The following COL11A1 variants were observed in gnomAD, a reference collection of about 807,000 sequenced individuals.
COL11A1 encodes the protein collagen type XI alpha 1 chain.
A neutral mutation model predicts 265.2 loss-of-function variants in COL11A1; 74 were observed. The observed-to-expected ratio is 0.28, with a 90% CI of 0.23 to 0.34. The LOEUF (loss-of-function observed/expected upper bound fraction) is 0.34, where lower values mean the gene tolerates loss of function less well. COL11A1 is among the 10% of genes least tolerant of loss of function. The pLI is 1.00. For missense variants in COL11A1, 2,165 were observed against 2,263.6 expected, an observed-to-expected ratio of 0.96 and a Z score of 0.88; for synonymous variants, 816 against 727.6, an observed-to-expected ratio of 1.12 and a Z score of -1.96.
At position 103,081,684 on chromosome 1, in the gene COL11A1, ACTTGTTT is replaced by A. The variant is rs532403408; in HGVS notation, c.274+1114_274+1120del. On this transcript the variant is annotated intron_variant, in intron 2 of 66. Coordinates refer to ENST00000370096, the MANE Select transcript of COL11A1 (RefSeq NM_001854.4). ...GTAATGTTTTAATCCCTTGATTTAT[ACTTGTTT>A]TCTCTTGTTAGAAAACAGTTTCATA... Among the ~76,000 whole-genome samples the A allele has an allele frequency of 3.8e-3, 582 of 152,042 alleles. 4 individuals carry two copies. Among genetic ancestry groups the A allele is most frequent in the African/African-American group, 0.013 (550 of 41,544 alleles).
chr1:103,000,950 T>C lies in COL11A1; in HGVS notation c.2142+975A>G, dbSNP rs987511605. The C allele has an allele frequency of 1.7e-4, 64 of 383,980 alleles. 1 individual carries two copies. The highest frequency in any genetic ancestry group is 1.8e-5 in the Non-Finnish European group (4 of 216,868). 23.8% of individuals were successfully genotyped at this position (383,980 alleles called of 1,614,324 possible). On this transcript the variant is annotated intron_variant, in intron 24 of 66. Coordinates refer to ENST00000370096, the MANE Select transcript of COL11A1 (RefSeq NM_001854.4). ...ATAAGGAGCAAAGTACTAATATATG[T>C]ATGCTACAGCATGGATGAACCTAAA... is the stretch of plus-strand genomic sequence containing the variant.
At chr1:102,944,380 A>C (rs1304951800) in intron 42 of COL11A1, among the ~76,000 whole-genome samples, 1 of 152,142 alleles carries the variant, frequency 6.6e-6, no homozygotes, top group Non-Finnish European at 1.5e-5. Context: ...CTCCTTCAAA[A>C]GTATAATGCT....
At chr1:102,943,015 C>A (rs1283100990) in intron 42 of COL11A1, among the ~76,000 whole-genome samples, 1 of 151,980 alleles carries the variant, frequency 6.6e-6, no homozygotes, top group Non-Finnish European at 1.5e-5. Context: ...GGGGTAGCTC[C>A]CAACCCACTT....
At chr1:103,064,725 T>C (rs1222590200) in intron 4 of COL11A1, among the ~76,000 whole-genome samples, 7 of 139,052 alleles carry the variant, frequency 5.0e-5, no homozygotes, top group African/African-American at 1.8e-4. Flanking sequence ...AGAGAATACA[T>C]AGAAGAACCT....
intron 50 of COL11A1, among the ~76,000 whole-genome samples, chr1:102,915,141 T>C (rs1655177496): frequency 6.6e-6 from 1 of 152,100 alleles, no homozygotes; most frequent in Admixed American, 6.6e-5. Flanking sequence ...TGGGGAGCTG[T>C]TCTCTGCCCT....
rs778950238 is a variant in COL11A1 at position 103,078,696 on chromosome 1, G to A, written c.450C>T (p.Asp150=). The change falls in exon 3 of 67, where the codon GAC becomes GAT. Residue 150 remains aspartate (D), a synonymous_variant. Transcript: ENST00000370096. ...EDHTGKPAPE[D]YPLFRTVNIA... ...TGTTAACAGTTCTGAAGAGGGGATA[G>A]TCTTCTGGGGCAGGTTTTCCAGTGT... 2 of 1,613,474 alleles carry A rather than the reference G, an allele frequency of 1.2e-6. No individual in the cohort carries two copies. Among genetic ancestry groups the A allele is most frequent in the South Asian group, 1.1e-5 (1 of 91,076 alleles).
chr1:103,077,636 C>T (rs1672079028), intron 3 of COL11A1, among the ~76,000 whole-genome samples: 1 of 151,778 alleles, frequency 6.6e-6, no homozygotes, highest in African/African-American at 2.4e-5. Context: ...ATAGCTATAA[C>T]CAAATGTGCT....
chr1:102,979,485 A>G (rs752233758), intron 31 of COL11A1, 50 bp from the exon 32 acceptor site: 3 of 1,205,404 alleles, frequency 2.5e-6, no homozygotes, highest in Admixed American at 1.7e-5. Flanking sequence ...TAACATTTTC[A>G]GTCACAAGAT....
At chr1:103,066,065 G>A (rs981135974) in intron 4 of COL11A1, among the ~76,000 whole-genome samples, 8 of 151,982 alleles carry the variant, frequency 5.3e-5, no homozygotes, top group Non-Finnish European at 1.0e-4. Context: ...CTGTAATGAA[G>A]GCAAAAGAAC....
chr1:103,004,466 G>T lies in COL11A1; in HGVS notation c.1922C>A (p.Pro641Gln), dbSNP rs888296694. 2 of 1,611,490 alleles carry T rather than the reference G, an allele frequency of 1.2e-6. No homozygotes were observed. Among genetic ancestry groups the T allele is most frequent in the African/African-American group, 1.3e-5 (1 of 74,790 alleles). The change falls in exon 20 of 67, where the codon CCA becomes CAA. Residue 641 changes from proline to glutamine, a missense_variant. Pro to Gln is a moderately conservative substitution (Grantham distance 76). Transcript: ENST00000370096. ...GMRGEDGEIG[P>Q]RGLPGEAGPR... ...TACAGCTTCACCTGGAAGACCTCTTGGTCCAATTTCTCCATCTTCTCCCTG... is the reference window on the plus strand; with the variant it reads ...TACAGCTTCACCTGGAAGACCTCTTTGTCCAATTTCTCCATCTTCTCCCTG...
Position 103,026,468 on chromosome 1 carries a change from G to C in COL11A1, c.781-136C>G, listed in dbSNP as rs74606576. On this transcript the variant is annotated intron_variant, in intron 5 of 66. Transcript: ENST00000370096. ...TTAATGTTATTGATGAGTTATTTTT[G>C]TATTACATAGAAGTATTATACTGTC... 7 of 688,794 alleles carry C rather than the reference G, an allele frequency of 1.0e-5. No homozygotes were observed. The Admixed American group carries it at 1.2e-4, about 12-fold the overall frequency. The allele number at this position is 688,794 out of a possible 1,614,324, so 42.7% of individuals were successfully genotyped here.
chr1:102,998,711 G>A (rs1018079196), intron 24 of COL11A1, among the ~76,000 whole-genome samples: 4 of 151,734 alleles, frequency 2.6e-5, no homozygotes, highest in Non-Finnish European at 5.9e-5. Context: ...TATCATTAAA[G>A]AGGTAAAGAT....
intron 1 of COL11A1, among the ~76,000 whole-genome samples, chr1:103,103,733 G>T (rs1674475324): frequency 9.5e-6 from 1 of 105,138 alleles, no homozygotes; most frequent in Admixed American, 1.2e-4. Flanking sequence ...AATTAAATTT[G>T]TAATAGTTGT....
chr1:103,063,957 C>T (rs568556249), intron 4 of COL11A1, among the ~76,000 whole-genome samples: 1 of 152,216 alleles, frequency 6.6e-6, no homozygotes, highest in South Asian at 2.1e-4. Flanking sequence ...AAAATATGTT[C>T]AACATCATAT....
At chr1:103,084,426 C>T (rs1271021353) in intron 1 of COL11A1, among the ~76,000 whole-genome samples, 1 of 152,024 alleles carries the variant, frequency 6.6e-6, no homozygotes, top group Non-Finnish European at 1.5e-5. Context: ...ACACAATGTT[C>T]ACTGCAGCAT....
At chr1:103,091,617 T>C (rs1673330755) in intron 1 of COL11A1, among the ~76,000 whole-genome samples, 1 of 152,110 alleles carries the variant, frequency 6.6e-6, no homozygotes, top group African/African-American at 2.4e-5. Flanking sequence ...TGTTCCACAA[T>C]ATTATTTAGA....
chr1:102,907,817 A>T (rs1654172799), intron 54 of COL11A1, among the ~76,000 whole-genome samples: 1 of 152,062 alleles, frequency 6.6e-6, no homozygotes, highest in South Asian at 2.1e-4. Flanking sequence ...AATATACTTC[A>T]ATTAACTTAT....
intron 1 of COL11A1, 24 bp downstream of exon 1, chr1:103,108,049 C>T (rs1674852025): frequency 1.3e-6 from 2 of 1,587,524 alleles, no homozygotes; most frequent in Admixed American, 3.3e-5. Flanking sequence ...AATCTCCCAC[C>T]TCCCCAAATC....
At position 103,031,248 on chromosome 1, in the gene COL11A1, G is replaced by GAAA. The variant is rs1667966609; in HGVS notation, c.652-5_652-4insTTT. 6 of 1,476,106 alleles carry GAAA rather than the reference G, an allele frequency of 4.1e-6. No individual in the cohort carries two copies. The African/African-American group carries it at 6.1e-5, about 15-fold the overall frequency. 91.4% of individuals were successfully genotyped at this position (1,476,106 alleles called of 1,614,324 possible). On this transcript the variant is annotated splice_polypyrimidine_tract_variant and splice_region_variant and intron_variant, in intron 4 of 66. Transcript: ENST00000370096. ...TCAAAAACTGCTGAATGTCCCCCTG[G>GAAA]GAAAAAAAAAAAAACAAAAACAAAC...
Sources: allele counts gnomAD v4.1 joint callset (sites outside exome capture counted in the v4.1 genomes callset), GRCh38; gene constraint gnomAD v4.1.1; transcripts MANE v1.5; gene names NCBI Gene and HGNC (gene_info 2026-07-23, HGNC 2026-07-21).